The following RALYL variants were observed in gnomAD, a reference collection of about 807,000 sequenced individuals.
The protein encoded by RALYL is RALY RNA binding protein like.
A neutral mutation model predicts 35.1 loss-of-function variants in RALYL; 29 were observed. That is an observed-to-expected ratio of 0.83 (90% CI 0.61 to 1.13). RALYL has a LOEUF of 1.13. Ranked by LOEUF, RALYL falls within the 50% of genes most tolerant of loss-of-function variation. RALYL has a pLI of 0.00. For missense variants in RALYL, 359 were observed against 360.4 expected (o/e 1.00, Z 0.03); for synonymous variants, 120 against 127.6 (o/e 0.94, Z 0.40).
intron 1 of RALYL, among the ~76,000 whole-genome samples, chr8:84,254,015 T>C (rs544726230): frequency 2.0e-5 from 3 of 152,164 alleles, no homozygotes; most frequent in Non-Finnish European, 4.4e-5. Context: ...TCATGATATG[T>C]TCAGCACTGT....
chr8:84,368,159 TAA>T (rs762257365), intron 1 of RALYL, among the ~76,000 whole-genome samples: 28 of 152,146 alleles, frequency 1.8e-4, no homozygotes, highest in Non-Finnish European at 2.6e-4. Flanking sequence ...AAAAACGAAA[TAA>T]GTCAAATATA....
intron 1 of RALYL, among the ~76,000 whole-genome samples, chr8:84,478,887 C>A (rs550255916): frequency 1.7e-4 from 22 of 132,438 alleles, no homozygotes; most frequent in Non-Finnish European, 3.1e-4. Flanking sequence ...GAGATCGAGA[C>A]TATCCTGGCT....
intron 1 of RALYL, among the ~76,000 whole-genome samples, chr8:84,486,610 G>A (rs2054654658): frequency 6.6e-6 from 1 of 151,790 alleles, no homozygotes; most frequent in Non-Finnish European, 1.5e-5. Context: ...TATCAAATAA[G>A]AGATACACAA....
intron 2 of RALYL, among the ~76,000 whole-genome samples, chr8:84,573,806 C>G (rs1808642415): frequency 6.6e-6 from 1 of 151,908 alleles, no homozygotes; most frequent in Admixed American, 6.6e-5. Context: ...TAATCCCATC[C>G]ACAGAATTCT....
intron 4 of RALYL, among the ~76,000 whole-genome samples, chr8:84,817,531 T>TTTATTATTA (rs59809592): frequency 0.021 from 3,107 of 147,472 alleles, 112 homozygotes; most frequent in African/African-American, 0.069. Context: ...TAACTAATCT[T>TTTATTATTA]TTATTATTAT....
chr8:84,558,354 T>C (rs2061266977), intron 2 of RALYL, among the ~76,000 whole-genome samples: 1 of 152,120 alleles, frequency 6.6e-6, no homozygotes, highest in Non-Finnish European at 1.5e-5. Flanking sequence ...TTACTATATT[T>C]GGCATGTTTC....
At chr8:84,795,250 CAAAT>C (rs1821653165) in intron 3 of RALYL, among the ~76,000 whole-genome samples, 1 of 152,106 alleles carries the variant, frequency 6.6e-6, no homozygotes, top group Admixed American at 6.5e-5. Context: ...TAATGATCAA[CAAAT>C]AAAGTATTAG....
chr8:84,845,084 G>A (rs183475011), intron 4 of RALYL, among the ~76,000 whole-genome samples: 107 of 152,084 alleles, frequency 7.0e-4, no homozygotes, highest in Admixed American at 2.3e-3. Context: ...TAACCTGCAC[G>A]TTGTGCACAA....
chr8:84,618,284 C>G (rs1360087837), intron 2 of RALYL, among the ~76,000 whole-genome samples: 1 of 151,738 alleles, frequency 6.6e-6, no homozygotes, highest in African/African-American at 2.4e-5. Context: ...TGTTATTGGT[C>G]TATTCAGAGA....
intron 2 of RALYL, among the ~76,000 whole-genome samples, chr8:84,718,952 T>C (rs1843391497): frequency 6.6e-6 from 1 of 152,156 alleles, no homozygotes; most frequent in Admixed American, 6.6e-5. Flanking sequence ...TTTCCATCAT[T>C]CATACATTAT....
intron 1 of RALYL, among the ~76,000 whole-genome samples, chr8:84,420,464 T>A (rs317955): frequency 0.62 from 93,080 of 149,642 alleles, 29,750 homozygotes; most frequent in African/African-American, 0.76. Flanking sequence ...TCAGATGAGT[T>A]GGTTGCAAAA....
chr8:84,799,996 A>G (rs995283878), intron 3 of RALYL, among the ~76,000 whole-genome samples: 2 of 152,172 alleles, frequency 1.3e-5, no homozygotes, highest in Admixed American at 1.3e-4. Context: ...GGAGGAAGAC[A>G]GTAAATTTAG....
At chr8:84,597,948 T>C (rs1814981906) in intron 2 of RALYL, among the ~76,000 whole-genome samples, 1 of 152,136 alleles carries the variant, frequency 6.6e-6, no homozygotes, top group Non-Finnish European at 1.5e-5. Flanking sequence ...TATTGCATCA[T>C]TTCTCGAATC....
At chr8:84,803,855 T>C (rs995965625) in intron 3 of RALYL, among the ~76,000 whole-genome samples, 2 of 152,210 alleles carry the variant, frequency 1.3e-5, no homozygotes, top group African/African-American at 4.8e-5. Context: ...TCTAAGATAG[T>C]CATTTCAACT....
intron 1 of RALYL, among the ~76,000 whole-genome samples, chr8:84,260,092 T>C (rs546428371): frequency 6.6e-6 from 1 of 152,300 alleles, no homozygotes; most frequent in Non-Finnish European, 1.5e-5. Context: ...ACAAGTTAGA[T>C]ATTTCCTGAA....
intron 1 of RALYL, among the ~76,000 whole-genome samples, chr8:84,404,589 A>G (rs965706970): frequency 2.0e-5 from 3 of 151,334 alleles, no homozygotes; most frequent in Admixed American, 2.0e-4. Flanking sequence ...TTTATTGAGG[A>G]ATTTTTCCAT....
At chr8:84,355,107 G>A (rs550846497) in intron 1 of RALYL, among the ~76,000 whole-genome samples, 20 of 150,414 alleles carry the variant, frequency 1.3e-4, no homozygotes, top group Admixed American at 8.6e-4. Flanking sequence ...TGAAGAAGAC[G>A]TAAGGAGAGA....
At chr8:84,410,673 CATT>C (rs2044008380) in intron 1 of RALYL, among the ~76,000 whole-genome samples, 1 of 151,574 alleles carries the variant, frequency 6.6e-6, no homozygotes, top group African/African-American at 2.4e-5. Flanking sequence ...TATATATTGA[CATT>C]ATATTTTTGA....
intron 5 of RALYL, among the ~76,000 whole-genome samples, chr8:84,853,834 T>G (rs1836378628): frequency 6.7e-6 from 1 of 150,208 alleles, no homozygotes; most frequent in Non-Finnish European, 1.5e-5. Context: ...TGCATTTGTG[T>G]TTTCTTTTTC....
Sources: allele counts gnomAD v4.1 joint callset (sites outside exome capture counted in the v4.1 genomes callset), GRCh38; gene constraint gnomAD v4.1.1; transcripts MANE v1.5; gene names NCBI Gene and HGNC (gene_info 2026-07-23, HGNC 2026-07-21).